Variants in ACO1 observed in about 807,000 individuals in gnomAD.
ACO1 encodes aconitase 1.
ACO1 carries 78 observed loss-of-function variants against 105.1 expected under a neutral mutation model. The ratio of observed to expected loss-of-function variants is 0.74; its 90% CI spans 0.62 to 0.90. The LOEUF is 0.90. Ranked by LOEUF, ACO1 falls within the 40% of genes least tolerant of loss-of-function variation. The probability of loss-of-function intolerance (pLI) is 0.00; values close to 1 mark genes in which losing one functional copy is unlikely to be tolerated. For missense variants in ACO1, 965 were observed against 1,111.1 expected (o/e 0.87, Z 1.87); for synonymous variants, 364 against 397.4 (o/e 0.92, Z 1.00).
At chr9:32,385,348 C>T (rs1474490741) in intron 1 of ACO1, among the ~76,000 whole-genome samples, 1 of 152,218 alleles carries the variant, frequency 6.6e-6, no homozygotes, top group African/African-American at 2.4e-5. Flanking sequence ...ACATGTAACT[C>T]TCTTCCCTGG....
chr9:32,440,377 T>C, intron 18 of ACO1, 88 bp from the exon 19 acceptor site: 2 of 1,534,818 alleles, frequency 1.3e-6, no homozygotes, highest in Non-Finnish European at 1.8e-6. Flanking sequence ...TGCAAACCCA[T>C]CCAGCCCCGC....
intron 13 of ACO1, 105 bp from the exon 14 acceptor site, chr9:32,430,313 T>G: frequency 8.3e-7 from 1 of 1,209,874 alleles, no homozygotes; most frequent in East Asian, 2.5e-5. Flanking sequence ...AAAGGGCAGC[T>G]TAAAGGACTG....
At chr9:32,434,475 C>A in intron 16 of ACO1, 84 bp from the exon 17 acceptor site, 1 of 1,525,450 alleles carries the variant, frequency 6.6e-7, no homozygotes, top group South Asian at 1.2e-5. Context: ...TGATTCAGGT[C>A]CATGGGCCAC....
intron 1 of ACO1, among the ~76,000 whole-genome samples, chr9:32,396,599 T>G (rs141331950): frequency 6.6e-6 from 1 of 152,198 alleles, no homozygotes; most frequent in Non-Finnish European, 1.5e-5. Flanking sequence ...TGAACATCAG[T>G]GAGGCCTTCT....
Position 32,420,907 on chromosome 9 carries a change from G to A in ACO1, c.850G>A (p.Gly284Arg), listed in dbSNP as rs142361227. The A allele has an allele frequency of 5.0e-6, 8 of 1,614,030 alleles. No homozygotes were observed. Among genetic ancestry groups the A allele is most frequent in the Admixed American group, 1.7e-5 (1 of 60,010 alleles). ...VGKFVEFFGP[G>R]VAQLSIADRA... ...CAAATTTGTCGAGTTCTTCGGGCCT[G>A]GAGTAGCCCAGTTGTCCATTGCTGA... Residue 284 changes from glycine (G) to arginine (R), a missense_variant, in exon 8 of 21, where the codon GGA becomes AGA. Physicochemically the swap from Gly to Arg is moderately radical, Grantham distance 125. Coordinates refer to ENST00000309951, the MANE Select transcript of ACO1 (RefSeq NM_002197.3).
At chr9:32,393,744 C>T (rs866187982) in intron 1 of ACO1, among the ~76,000 whole-genome samples, 12 of 152,100 alleles carry the variant, frequency 7.9e-5, no homozygotes, top group African/African-American at 9.7e-5. Context: ...TTTCTCAGAC[C>T]GGCCGACACT....
rs1477302854 is a variant in ACO1 at position 32,388,093 on chromosome 9, T to TG, written c.-23+3358_-23+3359insG. Among the ~76,000 whole-genome samples the TG allele has an allele frequency of 4.6e-5, 7 of 152,288 alleles. No individual in the cohort carries two copies. In the East Asian group the frequency reaches 9.6e-4, roughly 21 times the overall value. ...GCCACATATGGGTCTTATTCCCAAC[T>TG]CCCTCCCTGGAGCCATCTCAGATGT... is the stretch of plus-strand genomic sequence containing the variant. On this transcript the variant is annotated intron_variant, in intron 1 of 20. Coordinates refer to ENST00000309951, the MANE Select transcript of ACO1 (RefSeq NM_002197.3).
Position 32,450,407 on chromosome 9 carries a change from TTGCTTTTTCAC to T in ACO1, c.*299_*309del. ...CTTTAAAGTTACTGATCACAGGACG[TTGCTTTTTCAC>T]TGTTTCCTATTAATCTTCAGCTGAA... is the stretch of plus-strand genomic sequence containing the variant. On this transcript the variant is annotated 3_prime_UTR_variant, in exon 21 of 21. Transcript: ENST00000309951. The T allele has an allele frequency of 9.4e-6, 4 of 427,092 alleles. No homozygotes were observed. Among genetic ancestry groups the T allele is most frequent in the Non-Finnish European group, 1.3e-5 (3 of 225,174 alleles). 26.5% of individuals were successfully genotyped at this position (427,092 alleles called of 1,614,324 possible).
intron 18 of ACO1, 85 bp downstream of exon 18, chr9:32,436,482 GT>G: frequency 6.5e-7 from 1 of 1,541,368 alleles, no homozygotes; most frequent in South Asian, 1.1e-5. Context: ...TCGCCTTTTG[GT>G]TTTAGTTTTT....
intron 1 of ACO1, among the ~76,000 whole-genome samples, chr9:32,394,897 G>C (rs1821340302): frequency 6.6e-6 from 1 of 152,040 alleles, no homozygotes; most frequent in South Asian, 2.1e-4. Flanking sequence ...TGAGGTGGCT[G>C]GGTATAGTTG....
chr9:32,448,768 C>T (rs1455282544), intron 19 of ACO1, 128 bp from the exon 20 acceptor site: 2 of 922,770 alleles, frequency 2.2e-6, no homozygotes, highest in Non-Finnish European at 3.5e-6. Flanking sequence ...GTCAGTCTCA[C>T]TGGGAGCTGC....
rs1822831449 is a variant in ACO1, at chr9:32,454,292, G to A, written c.*4181G>A. On this transcript the variant is annotated 3_prime_UTR_variant, in exon 21 of 21. Transcript: ENST00000309951. ...GGCGTTCACGCACTGTGCTCCACAG[G>A]ATACTCTTGAGAAACATTGAGCTAT... 6.6e-6 allele frequency: 1 copy of A among 152,202 alleles called. No homozygotes were observed. Among genetic ancestry groups the A allele is most frequent in the Non-Finnish European group, 1.5e-5 (1 of 68,048 alleles). 9.4% of individuals were successfully genotyped at this position (152,202 alleles called of 1,614,324 possible). A position where few individuals can be genotyped will look rare whatever the true frequency, so the allele number is the denominator to read the frequency against.
In ACO1 at chr9:32,450,116, C is replaced by T. The variant is rs774749303; in HGVS notation, c.*5C>T. On this transcript the variant is annotated 3_prime_UTR_variant, in exon 21 of 21. Transcript: ENST00000309951. The stretch of plus-strand genomic sequence containing the variant: ...ATCCGCAAGATGGCCAAGTAGGAGA[C>T]GTGCACTTGGTGCTGCGCCCAGGGA... 21 of 1,609,146 alleles carry T rather than the reference C, an allele frequency of 1.3e-5. No individual in the cohort carries two copies. Among genetic ancestry groups the T allele is most frequent in the South Asian group, 7.7e-5 (7 of 90,932 alleles).
intron 13 of ACO1, among the ~76,000 whole-genome samples, chr9:32,429,797 A>G (rs1174811823): frequency 2.0e-5 from 3 of 152,188 alleles, no homozygotes; most frequent in Non-Finnish European, 4.4e-5. Context: ...CTGGCACTCA[A>G]GTGCTCAGTA....
chr9:32,405,290 T>G (rs1433736753), intron 1 of ACO1, among the ~76,000 whole-genome samples, 195 bp from the exon 2 acceptor site: 1 of 152,240 alleles, frequency 6.6e-6, no homozygotes, highest in Non-Finnish European at 1.5e-5. Flanking sequence ...CTACCAGACT[T>G]TGGACAGAGG....
chr9:32,387,573 T>C (rs1463128989), intron 1 of ACO1, among the ~76,000 whole-genome samples: 1 of 152,180 alleles, frequency 6.6e-6, no homozygotes, highest in African/African-American at 2.4e-5. Flanking sequence ...ATCCTAGATA[T>C]AGGGTGTATG....
At chr9:32,402,362 T>A (rs1320236468) in intron 1 of ACO1, among the ~76,000 whole-genome samples, 1 of 152,234 alleles carries the variant, frequency 6.6e-6, no homozygotes, top group Non-Finnish European at 1.5e-5. Flanking sequence ...ATCTCCAAAA[T>A]GTCCACATTC....
rs1322644524 is a variant in ACO1 at position 32,389,633 on chromosome 9, A to G, written c.-23+4898A>G. The stretch of plus-strand genomic sequence containing the variant: ...CTCACTTCAGTTGACTGGCACCATC[A>G]GCTGACCGTCTCCCTAGATCGACTG... On this transcript the variant is annotated intron_variant, in intron 1 of 20. Transcript: ENST00000309951. 4.0e-5 allele frequency among the ~76,000 whole-genome samples: 6 copies of G among 150,186 alleles called. 1 individual carries two copies. The highest frequency in any genetic ancestry group is 1.5e-4 in the African/African-American group (6 of 40,886).
In ACO1 at chr9:32,419,105, G is replaced by C. The variant is rs755498367; in HGVS notation, c.726G>C (p.Val242=). The change falls in exon 7 of 21, where the codon GTG becomes GTC. Residue 242 remains valine (V), a synonymous_variant. Coordinates refer to ENST00000309951, the MANE Select transcript of ACO1 (RefSeq NM_002197.3). ...CAATCAGTATGGTGCTTCCTCAGGT[G>C]ATTGGCTACAGGCTGATGGGGAAGC... The part of the protein sequence containing the change: ...GQPISMVLPQ[V]IGYRLMGKPH... The C allele has an allele frequency of 3.7e-6, 6 of 1,609,868 alleles. No individual in the cohort carries two copies. Among genetic ancestry groups the C allele is most frequent in the Non-Finnish European group, 5.1e-6 (6 of 1,177,994 alleles).
Sources: gnomAD v4.1 joint callset for allele counts (sites outside exome capture counted in the v4.1 genomes callset) on GRCh38, gnomAD v4.1.1 for gene constraint, MANE v1.5 for transcripts, NCBI Gene and HGNC (gene_info 2026-07-23, HGNC 2026-07-21) for gene names.